The following PCDHA9 variants were observed in gnomAD, a reference collection of about 807,000 sequenced individuals.
PCDHA9 encodes protocadherin alpha-9.
PCDHA9 carries 62 observed loss-of-function variants against 62.0 expected under a neutral mutation model. The ratio of observed to expected loss-of-function variants is 1.00; its 90% CI spans 0.81 to 1.23. The LOEUF (loss-of-function observed/expected upper bound fraction) is 1.23, where lower values mean the gene tolerates loss of function less well. Ranked by LOEUF, PCDHA9 falls within the 50% of genes most tolerant of loss-of-function variation. The pLI is 0.00. For missense variants in PCDHA9, 1,205 were observed against 1,249.8 expected (o/e 0.96, Z 0.54); for synonymous variants, 557 against 567.6 (o/e 0.98, Z 0.27).
At chr5:140,877,414 C>T (rs1554169712) in intron 1 of PCDHA9, 22 of 1,613,930 alleles carry the variant, frequency 1.4e-5, no homozygotes, top group Non-Finnish European at 1.8e-5. Context: ...CCACCGCCTG[C>T]TGGTGCTGGT....
At chr5:140,911,271 C>G (rs2075400243) in intron 1 of PCDHA9, among the ~76,000 whole-genome samples, 1 of 152,072 alleles carries the variant, frequency 6.6e-6, no homozygotes, top group Non-Finnish European at 1.5e-5. Flanking sequence ...TCTCAGTGTC[C>G]CCAGCTTCAT....
Position 140,937,138 on chromosome 5 carries a change from T to C in PCDHA9, c.2395-41811T>C, listed in dbSNP as rs368450201. On this transcript the variant is annotated intron_variant, in intron 1 of 3. Coordinates refer to ENST00000532602, the MANE Select transcript of PCDHA9 (RefSeq NM_031857.2). ...CTGCAAGCTCCGCCTCCCGGGTTCA[T>C]GCCATTCTCCTGCCTCAGCCTCCCG... is the stretch of plus-strand genomic sequence containing the variant. 1.7e-4 allele frequency among the ~76,000 whole-genome samples: 25 copies of C among 151,290 alleles called. 1 individual carries two copies. In the South Asian group the frequency reaches 2.7e-3, roughly 16 times the overall value.
intron 1 of PCDHA9, chr5:140,860,422 T>A (rs1554153353): frequency 1.3e-5 from 2 of 152,130 alleles, no homozygotes; most frequent in African/African-American, 4.8e-5. Context: ...ACCATTATCC[T>A]GCAAATATGA....
intron 1 of PCDHA9, chr5:140,875,344 A>C: frequency 6.9e-7 from 1 of 1,442,996 alleles, no homozygotes; most frequent in Non-Finnish European, 9.1e-7. Flanking sequence ...TCGACTCCAT[A>C]ATGACTGTGA....
At chr5:140,899,035 G>C (rs2067107583) in intron 1 of PCDHA9, among the ~76,000 whole-genome samples, 1 of 151,908 alleles carries the variant, frequency 6.6e-6, no homozygotes, top group African/African-American at 2.4e-5. Context: ...TTTGTACATT[G>C]ATTTTGTATC....
intron 1 of PCDHA9, among the ~76,000 whole-genome samples, chr5:140,970,696 C>T (rs2096425637): frequency 6.6e-6 from 1 of 152,144 alleles, no homozygotes; most frequent in Admixed American, 6.5e-5. Flanking sequence ...GCTTTTAGAG[C>T]TACTACACAA....
chr5:140,898,422 C>T (rs1554187981), intron 1 of PCDHA9, among the ~76,000 whole-genome samples: 2 of 152,278 alleles, frequency 1.3e-5, no homozygotes, highest in East Asian at 3.9e-4. Context: ...AGCCAGTTTT[C>T]CCAGCACCAT....
chr5:140,858,495 G>T, intron 1 of PCDHA9: 1 of 1,481,630 alleles, frequency 6.7e-7, no homozygotes, highest in Non-Finnish European at 9.2e-7. Flanking sequence ...TTCTCTTACC[G>T]CATTTTCTCA....
Position 141,011,434 on chromosome 5 carries a change from C to A in PCDHA9, c.*1497C>A, listed in dbSNP as rs934032017. 6.5e-6 allele frequency: 1 copy of A among 153,726 alleles called. No homozygotes were observed. Among genetic ancestry groups the A allele is most frequent in the African/African-American group, 2.4e-5 (1 of 41,446 alleles). The allele number at this position is 153,726 out of a possible 1,614,324, so 9.5% of individuals were successfully genotyped here. The stretch of plus-strand genomic sequence containing the variant: ...ATGTGAATGTTAATGCAACTATTAC[C>A]TAGAGTGAACTTTAAGCTTTATTGT... On this transcript the variant is annotated 3_prime_UTR_variant, in exon 4 of 4. Transcript: ENST00000532602.
At chr5:140,962,312 A>G (rs2095671896) in intron 1 of PCDHA9, among the ~76,000 whole-genome samples, 1 of 152,204 alleles carries the variant, frequency 6.6e-6, no homozygotes, top group African/African-American at 2.4e-5. Context: ...TTGTTAGGCC[A>G]TCTCAATTGA....
rs181275532 is a variant in PCDHA9, at chr5:140,900,911, A to G, written c.2394+50022A>G. Among the ~76,000 whole-genome samples the G allele has an allele frequency of 2.3e-4, 35 of 152,252 alleles. 1 individual carries two copies. Among genetic ancestry groups the G allele is most frequent in the Admixed American group, 6.5e-4 (10 of 15,284 alleles). ...GGATAAAAGCCATTTTAACTGTGGTAAGATGATATCTCATTGTAGTTTTGA... is the reference window on the plus strand; with the variant it reads ...GGATAAAAGCCATTTTAACTGTGGTGAGATGATATCTCATTGTAGTTTTGA... On this transcript the variant is annotated intron_variant, in intron 1 of 3. Coordinates refer to ENST00000532602, the MANE Select transcript of PCDHA9 (RefSeq NM_031857.2).
rs1563650230 is a variant in PCDHA9, at chr5:141,000,393, C to CTA, written c.2543-9233_2543-9232insAT. Among the ~76,000 whole-genome samples, 150 of 52,842 alleles carry CTA rather than the reference C, an allele frequency of 2.8e-3. 1 individual carries two copies. The highest frequency in any genetic ancestry group is 4.0e-3 in the Non-Finnish European group (125 of 31,360). 34.7% of individuals were successfully genotyped at this position (52,842 alleles called of 152,430 possible). A position where few individuals can be genotyped will look rare whatever the true frequency, so the allele number is the denominator to read the frequency against. On this transcript the variant is annotated intron_variant, in intron 3 of 3. Coordinates refer to ENST00000532602, the MANE Select transcript of PCDHA9 (RefSeq NM_031857.2). ...TCTCTCTCTCTCTCTCTCTCTCTCT[C>CTA]TCTATATATATATATATATATATAT... is the stretch of plus-strand genomic sequence containing the variant.
intron 1 of PCDHA9, among the ~76,000 whole-genome samples, chr5:140,913,757 T>C (rs577091404): frequency 6.6e-6 from 1 of 152,282 alleles, no homozygotes; most frequent in South Asian, 2.1e-4. Context: ...TTGTATCTCA[T>C]AGGTTTTGGC....
intron 1 of PCDHA9, among the ~76,000 whole-genome samples, chr5:140,975,953 T>A (rs1554237158): frequency 6.6e-6 from 1 of 152,084 alleles, no homozygotes; most frequent in Non-Finnish European, 1.5e-5. Context: ...CATATTAGAG[T>A]TCTTCACCAA....
At chr5:140,873,791 G>A (rs1330097708) in intron 1 of PCDHA9, among the ~76,000 whole-genome samples, 1 of 152,152 alleles carries the variant, frequency 6.6e-6, no homozygotes, top group Non-Finnish European at 1.5e-5. Flanking sequence ...TTTCCGAGAA[G>A]CTGGGACTAC....
chr5:140,853,755 C>A, intron 1 of PCDHA9: 3 of 988,492 alleles, frequency 3.0e-6, no homozygotes, highest in Non-Finnish European at 3.7e-6. Flanking sequence ...CAAGGCTCCA[C>A]CTCAGAAATT....
At chr5:140,922,863 G>A (rs1429324543) in intron 1 of PCDHA9, among the ~76,000 whole-genome samples, 10 of 152,160 alleles carry the variant, frequency 6.6e-5, no homozygotes, top group Admixed American at 5.2e-4. Context: ...ACATAGACAA[G>A]GGGAAAAAAT....
At chr5:140,852,957 C>A in intron 1 of PCDHA9, 1 of 439,404 alleles carries the variant, frequency 2.3e-6, no homozygotes, top group Non-Finnish European at 3.1e-6. Flanking sequence ...TGGCTCACTC[C>A]AAGCTCCCCC....
chr5:140,882,958 C>T (rs1582656438), intron 1 of PCDHA9: 1 of 1,614,040 alleles, frequency 6.2e-7, no homozygotes, highest in Non-Finnish European at 8.5e-7. Flanking sequence ...AGCTGCTCAT[C>T]ACGATTCTGG....
Sources: gnomAD v4.1 joint callset for allele counts (sites outside exome capture counted in the v4.1 genomes callset) on GRCh38, gnomAD v4.1.1 for gene constraint, MANE v1.5 for transcripts, NCBI Gene and HGNC (gene_info 2026-07-23, HGNC 2026-07-21) for gene names.